CYP3A4: variants seen among roughly 807,000 people sequenced by gnomAD.
The protein encoded by CYP3A4 is cytochrome P450 family 3 subfamily A member 4, also known as cytochrome P450 3A4.
A neutral mutation model predicts 54.9 loss-of-function variants in CYP3A4; 41 were observed. That is an observed-to-expected ratio of 0.75 (90% CI 0.58 to 0.97). The LOEUF (loss-of-function observed/expected upper bound fraction) is 0.97, where lower values mean the gene tolerates loss of function less well. Among genes scored for constraint, CYP3A4 ranks in the 50% least tolerant of loss-of-function variants. CYP3A4 has a pLI of 0.00. For missense variants in CYP3A4, 510 were observed against 597.3 expected (o/e 0.85, Z 1.52); for synonymous variants, 179 against 205.2 (o/e 0.87, Z 1.09).
chr7:99,772,052 G>C (rs1584546017), intron 4 of CYP3A4, among the ~76,000 whole-genome samples: 1 of 152,104 alleles, frequency 6.6e-6, no homozygotes, highest in Non-Finnish European at 1.5e-5. Flanking sequence ...GGCACCAAAA[G>C]TACAATCCAG....
In CYP3A4 at chr7:99,784,174, T is replaced by C. The variant is rs1816004349; in HGVS notation, c.-93A>G. 33 of 1,183,830 alleles carry C rather than the reference T, an allele frequency of 2.8e-5. No individual in the cohort carries two copies. In the South Asian group the frequency reaches 4.1e-4, roughly 15 times the overall value. The allele number at this position is 1,183,830 out of a possible 1,614,324, so 73.3% of individuals were successfully genotyped here. Reference sequence around the variant, plus strand: ...CTATGTGCATGGAGCTTTCCTGCCCTGCACAGCAGTGATTCAGTGAGGCTG... The same window carrying C: ...CTATGTGCATGGAGCTTTCCTGCCCCGCACAGCAGTGATTCAGTGAGGCTG... On this transcript the variant is annotated 5_prime_UTR_variant, in exon 1 of 13. Transcript: ENST00000651514.
intron 1 of CYP3A4, among the ~76,000 whole-genome samples, chr7:99,782,819 C>G (rs935309916): frequency 6.6e-6 from 1 of 151,980 alleles, no homozygotes; most frequent in Non-Finnish European, 1.5e-5. Flanking sequence ...TTAAAATGAA[C>G]GTTGGGAAGG....
At chr7:99,776,520 C>G (rs547170066) in intron 3 of CYP3A4, among the ~76,000 whole-genome samples, 1 of 152,070 alleles carries the variant, frequency 6.6e-6, no homozygotes, top group Non-Finnish European at 1.5e-5. Context: ...CATAAAAAAA[C>G]AATGAGTTCA....
intron 7 of CYP3A4, 66 bp downstream of exon 7, chr7:99,768,288 A>G (rs1414128472): frequency 2.7e-6 from 4 of 1,494,312 alleles, no homozygotes; most frequent in Middle Eastern, 1.7e-4. Flanking sequence ...ATGGTGATTT[A>G]TATCTCAATA....
chr7:99,758,242 A>G lies in CYP3A4; in HGVS notation c.1417-14T>C, dbSNP rs59759247. ...TTTCAGGGGGATCTGCAACAGTTAA[A>G]CAAGCATATTGAGAAGCATTAAATA... On this transcript the variant is annotated splice_polypyrimidine_tract_variant and intron_variant, in intron 12 of 12. Coordinates refer to ENST00000651514, the MANE Select transcript of CYP3A4 (RefSeq NM_017460.6). The G allele has an allele frequency of 6.8e-6, 11 of 1,611,908 alleles. No individual in the cohort carries two copies. Among genetic ancestry groups the G allele is most frequent in the South Asian group, 2.2e-5 (2 of 91,036 alleles).
intron 2 of CYP3A4, among the ~76,000 whole-genome samples, chr7:99,779,643 T>C (rs879941228): frequency 1.3e-5 from 2 of 152,016 alleles, no homozygotes; most frequent in Admixed American, 1.3e-4. Context: ...GGGGGTCCTT[T>C]TCCTACTTTT....
chr7:99,772,004 A>G (rs1467161058), intron 4 of CYP3A4, among the ~76,000 whole-genome samples: 3 of 152,206 alleles, frequency 2.0e-5, no homozygotes, highest in Non-Finnish European at 4.4e-5. Context: ...AAAAACAGCA[A>G]TATAGGAAGG....
At chr7:99,778,519 G>C (rs779560437) in intron 2 of CYP3A4, among the ~76,000 whole-genome samples, 3 of 152,156 alleles carry the variant, frequency 2.0e-5, no homozygotes, top group Non-Finnish European at 2.9e-5. Context: ...TCATGAGCTC[G>C]CTCTAGAGTT....
chr7:99,767,352 A>G, intron 7 of CYP3A4, 94 bp from the exon 8 acceptor site: 1 of 1,132,528 alleles, frequency 8.8e-7, no homozygotes, highest in Non-Finnish European at 1.2e-6. Flanking sequence ...ACCAACCAGA[A>G]GAGTAAAAGA....
rs775020810 is a variant in CYP3A4 at position 99,784,073 on chromosome 7, G to A, written c.9C>T (p.Leu3=). 18 of 1,613,728 alleles carry A rather than the reference G, an allele frequency of 1.1e-5. No individual in the cohort carries two copies. Among genetic ancestry groups the A allele is most frequent in the Non-Finnish European group, 1.5e-5 (18 of 1,179,772 alleles). The change falls in exon 1 of 13, where the codon CTC becomes CTT. Residue 3 remains leucine, a synonymous_variant. Transcript: ENST00000651514. MA[L]IPDLAMETWL... Reference sequence around the variant, plus strand: ...AGGTTTCCATGGCCAAGTCTGGGATGAGAGCCATCACTACTTTCCTTACTT... The same window carrying A: ...AGGTTTCCATGGCCAAGTCTGGGATAAGAGCCATCACTACTTTCCTTACTT...
At position 99,762,204 on chromosome 7, in the gene CYP3A4, G is replaced by A. The variant is rs1195408117; in HGVS notation, c.1090C>T (p.Leu364Phe). The change falls in exon 11 of 13, where the codon CTC (leucine) becomes TTC (phenylalanine). Residue 364 changes from leucine (L) to phenylalanine (F), a missense_variant. Physicochemically the swap from Leu to Phe is conservative, Grantham distance 22. This residue lies in a region of CYP3A4 where 238 missense variants were observed against 322.5 expected (regional missense o/e 0.74). Coordinates refer to ENST00000651514, the MANE Select transcript of CYP3A4 (RefSeq NM_017460.6). ...CTCATAGCAATTGGGAATAATCTGA[G>A]CGTTTCATTCACCACCATGTCAAGA... The part of the protein sequence containing the change: ...EYLDMVVNET[L>F]RLFPIAMRLE... 1.2e-6 allele frequency: 2 copies of A among 1,613,904 alleles called. No individual in the cohort carries two copies. The highest frequency in any genetic ancestry group is 1.1e-5 in the South Asian group (1 of 91,044).
In CYP3A4 at chr7:99,765,434, TGATA is replaced by T. The variant is rs576697878; in HGVS notation, c.865+939_865+942del. The stretch of plus-strand genomic sequence containing the variant: ...GATAGATAATATATAAGTAGATAGA[TGATA>T]GATGGATAAATGATAGATGATAGAT... On this transcript the variant is annotated intron_variant, in intron 9 of 12. Transcript: ENST00000651514. 7.9e-5 allele frequency among the ~76,000 whole-genome samples: 12 copies of T among 152,148 alleles called. No homozygotes were observed. In the East Asian group the frequency reaches 2.1e-3, roughly 27 times the overall value.
rs774265040 is a variant in CYP3A4, at chr7:99,762,148, C to T, written c.1146G>A (p.Glu382=). The T allele has an allele frequency of 1.2e-6, 2 of 1,614,062 alleles. No individual in the cohort carries two copies. The highest frequency in any genetic ancestry group is 1.1e-5 in the South Asian group (1 of 91,068). Reference sequence around the variant, plus strand: ...CTTTGGGAATGAACATCCCATTGATCTCAACATCTTTTTTGCAGACCCTCT... The same window carrying T: ...CTTTGGGAATGAACATCCCATTGATTTCAACATCTTTTTTGCAGACCCTCT... ...RLERVCKKDV[E]INGMFIPKGV... The change falls in exon 11 of 13, where the codon GAG becomes GAA. Residue 382 remains glutamate (E), a synonymous_variant. Transcript: ENST00000651514.
At position 99,762,036 on chromosome 7, in the gene CYP3A4, T is replaced by C. The variant is rs763248134; in HGVS notation, c.1253+5A>G. On this transcript the variant is annotated splice_donor_5th_base_variant and intron_variant, in intron 11 of 12. Transcript: ENST00000651514. ...GGGAGGGCTCCCTTCCCAGGGGCCT[T>C]GTACCTTTCAGGGAGGAACTTCTCA... 19 of 1,613,900 alleles carry C rather than the reference T, an allele frequency of 1.2e-5. No individual in the cohort carries two copies. Among genetic ancestry groups the C allele is most frequent in the East Asian group, 2.2e-5 (1 of 44,884 alleles).
chr7:99,772,269 G>C (rs566838370), intron 4 of CYP3A4, among the ~76,000 whole-genome samples: 1 of 152,008 alleles, frequency 6.6e-6, no homozygotes, highest in Non-Finnish European at 1.5e-5. Flanking sequence ...TGGGTTCTGC[G>C]TTTTGATCAT....
chr7:99,772,697 A>G lies in CYP3A4; in HGVS notation c.219-8T>C, dbSNP rs756662615. 4.3e-6 allele frequency: 7 copies of G among 1,612,664 alleles called. No homozygotes were observed. In the South Asian group the frequency reaches 6.6e-5, roughly 15 times the overall value. ...TGTTGACCATCATAAAAGCTGTGTGAAAAAAACAGAGTTGATTAAACATCA... is the reference window on the plus strand; with the variant it reads ...TGTTGACCATCATAAAAGCTGTGTGGAAAAAACAGAGTTGATTAAACATCA... On this transcript the variant is annotated splice_region_variant and splice_polypyrimidine_tract_variant and intron_variant, in intron 3 of 12. Transcript: ENST00000651514.
rs185694936 is a variant in CYP3A4 at position 99,779,467 on chromosome 7, G to A, written c.165+525C>T. Among the ~76,000 whole-genome samples, 23 of 152,224 alleles carry A rather than the reference G, an allele frequency of 1.5e-4. No homozygotes were observed. In the East Asian group the frequency reaches 2.5e-3, roughly 17 times the overall value. On this transcript the variant is annotated intron_variant, in intron 2 of 12. Transcript: ENST00000651514. The stretch of plus-strand genomic sequence containing the variant: ...ACCCTCAGGGAATTTAGCATTTTTC[G>A]GAGAGGATTGAAGCAGGTGCAAATG...
chr7:99,764,163 C>A, intron 9 of CYP3A4, 148 bp from the exon 10 acceptor site: 1 of 1,190,854 alleles, frequency 8.4e-7, no homozygotes. Flanking sequence ...TGGTTTCATT[C>A]TGATGTGTAT....
Position 99,778,033 on chromosome 7 carries a change from C to G in CYP3A4, c.213G>C (p.Val71=). ...DMECHKKYGK[V]WGFYDGQQPV... ...GAAGTTTCCAGAATACTCACCCCCA[C>G]ACTTTTCCATACTTTTTATGACATT... The change falls in exon 3 of 13, where the codon GTG becomes GTC. Residue 71 remains valine, a synonymous_variant. Coordinates refer to ENST00000651514, the MANE Select transcript of CYP3A4 (RefSeq NM_017460.6). 6.2e-7 allele frequency: 1 copy of G among 1,612,900 alleles called. No homozygotes were observed. Among genetic ancestry groups the G allele is most frequent in the South Asian group, 1.1e-5 (1 of 90,962 alleles).
Sources: gnomAD v4.1 joint callset for allele counts (sites outside exome capture counted in the v4.1 genomes callset) on GRCh38, gnomAD v4.1.1 for gene constraint, gnomAD v4.1.1 regional missense constraint, MANE v1.5 for transcripts, NCBI Gene and HGNC (gene_info 2026-07-23, HGNC 2026-07-21) for gene names.